Variants in ZNF469 observed in about 807,000 individuals in gnomAD.
The protein encoded by ZNF469 is zinc finger protein 469.
Under a neutral mutation model 1.0 loss-of-function variants are expected in ZNF469, and 1 was observed. The observed-to-expected ratio is 1.00, with a 90% CI of 0.35 to 4.73. The LOEUF (loss-of-function observed/expected upper bound fraction) is 4.73. Ranked by LOEUF, ZNF469 falls within the 30% of genes most tolerant of loss-of-function variation. The pLI is 0.16. For missense variants in ZNF469, 6,100 were observed against 5,356.3 expected (o/e 1.14, Z -4.33); for synonymous variants, 2,703 against 2,363.4 (o/e 1.14, Z -4.17).
the ZNF469 span, among the ~76,000 whole-genome samples, chr16:88,257,411 C>G: frequency 2.0e-5 from 3 of 152,192 alleles, no homozygotes; most frequent in African/African-American, 7.2e-5. Flanking sequence ...GGATAACAAG[C>G]CTCTCTTCTC....
At position 88,434,102 on chromosome 16, in the gene ZNF469, C is replaced by G. The variant is rs1034129997; in HGVS notation, c.6632C>G (p.Ala2211Gly). 1.9e-6 allele frequency: 3 copies of G among 1,550,410 alleles called. No individual in the cohort carries two copies. In the South Asian group the frequency reaches 3.6e-5, roughly 18 times the overall value. ...CCCTGCGATCCCAAGGAAGCCCTGG[C>G]TGGTTGCCTTCTCCAGGGGGAGGGC... ...TSPCDPKEAL[A>G]GCLLQGEGSP... The change falls in exon 3 of 3, where the codon GCT becomes GGT. Residue 2211 changes from alanine to glycine, a missense_variant. Coordinates refer to ENST00000565624, the MANE Select transcript of ZNF469 (RefSeq NM_001367624.2).
the ZNF469 span, among the ~76,000 whole-genome samples, chr16:88,225,671 G>A: frequency 1.8e-3 from 268 of 152,260 alleles, 1 homozygote; most frequent in Middle Eastern, 3.4e-3. Context: ...GTGTGGCCTC[G>A]TGGGTGGGAT....
At chr16:88,120,659 G>A in the ZNF469 span, among the ~76,000 whole-genome samples, 21 of 152,356 alleles carry the variant, frequency 1.4e-4, no homozygotes, top group East Asian at 3.7e-3. Flanking sequence ...CTGGGTCACC[G>A]CGGCTCCCGG....
chr16:88,192,706 G>GTGATGATGGTGGTGATGATGGTGT, the ZNF469 span, among the ~76,000 whole-genome samples: 1 of 150,906 alleles, frequency 6.6e-6, no homozygotes, highest in African/African-American at 2.4e-5. Flanking sequence ...GGTGATAAAG[G>GTGATGATGGTGGTGATGATGGTGT]TGATAATGGT....
chr16:88,430,095 C>A lies in ZNF469; in HGVS notation c.2625C>A (p.Gly875=). 6.5e-7 allele frequency: 1 copy of A among 1,542,434 alleles called. No individual in the cohort carries two copies. Among genetic ancestry groups the A allele is most frequent in the Non-Finnish European group, 8.7e-7 (1 of 1,146,922 alleles). ...IDVFADEEPS[G]PRGPSSGHPL... is the part of the protein sequence containing the mutation. Reference sequence around the variant, plus strand: ...TCTTCGCGGACGAGGAGCCTTCCGGCCCCAGAGGTCCCAGCTCCGGACACC... The same window carrying A: ...TCTTCGCGGACGAGGAGCCTTCCGGACCCAGAGGTCCCAGCTCCGGACACC... Residue 875 remains glycine, a synonymous_variant, in exon 3 of 3, where the codon GGC becomes GGA. Coordinates refer to ENST00000565624, the MANE Select transcript of ZNF469 (RefSeq NM_001367624.2).
At chr16:88,120,188 G>T in the ZNF469 span, among the ~76,000 whole-genome samples, 1 of 152,170 alleles carries the variant, frequency 6.6e-6, no homozygotes, top group Non-Finnish European at 1.5e-5. Context: ...GAACTGCCCC[G>T]TGGTTGCCGA....
At chr16:88,273,804 A>ATTT in the ZNF469 span, among the ~76,000 whole-genome samples, 1,416 of 135,200 alleles carry the variant, frequency 0.01, 26 homozygotes, top group African/African-American at 0.024. Flanking sequence ...ACTGTGGAAT[A>ATTT]TTTTTTTTTT....
the ZNF469 span, among the ~76,000 whole-genome samples, chr16:88,108,639 C>T: frequency 6.6e-6 from 1 of 152,222 alleles, no homozygotes; most frequent in Non-Finnish European, 1.5e-5. Context: ...AGTGTGACTT[C>T]CCTGAAAGCA....
At chr16:88,149,255 G>C in the ZNF469 span, among the ~76,000 whole-genome samples, 3 of 152,196 alleles carry the variant, frequency 2.0e-5, no homozygotes, top group Non-Finnish European at 4.4e-5. Flanking sequence ...ATGTGCACAG[G>C]CCACATGGGA....
the ZNF469 span, among the ~76,000 whole-genome samples, chr16:88,289,267 ATGATGGTGAGGG>A: frequency 2.6e-5 from 3 of 115,778 alleles, no homozygotes; most frequent in Non-Finnish European, 1.7e-5. Context: ...AGTGATGGTG[ATGATGGTGAGGG>A]TGATGGTGAT....
the ZNF469 span, among the ~76,000 whole-genome samples, chr16:88,169,526 G>T: frequency 2.0e-5 from 3 of 152,288 alleles, no homozygotes; most frequent in African/African-American, 4.8e-5. The surrounding 1 kb of genome is among the most constrained non-coding windows in gnomAD (Gnocchi z 6.1). Flanking sequence ...GGCGATCCAG[G>T]TTGCAGCCCA....
At chr16:88,416,990 G>C (rs573656185) in intron 1 of ZNF469, among the ~76,000 whole-genome samples, 25 of 152,354 alleles carry the variant, frequency 1.6e-4, no homozygotes, top group African/African-American at 5.8e-4. Context: ...GTCCCGTGGA[G>C]TCTCCGTGGT....
chr16:88,122,900 T>C, the ZNF469 span, among the ~76,000 whole-genome samples: 1 of 151,922 alleles, frequency 6.6e-6, no homozygotes, highest in Non-Finnish European at 1.5e-5. Flanking sequence ...TGGAGTGCAG[T>C]GGTGCAATCA....
chr16:88,331,815 C>G, the ZNF469 span, among the ~76,000 whole-genome samples: 1 of 152,080 alleles, frequency 6.6e-6, no homozygotes. Context: ...CTCATCACCA[C>G]CATCACTATC....
the ZNF469 span, among the ~76,000 whole-genome samples, chr16:88,220,793 C>A: frequency 6.6e-6 from 1 of 152,190 alleles, no homozygotes. Context: ...GGCCCCTACA[C>A]CCTTGAACAT....
At chr16:88,350,596 G>A in the ZNF469 span, among the ~76,000 whole-genome samples, 1 of 152,242 alleles carries the variant, frequency 6.6e-6, no homozygotes, top group Admixed American at 6.5e-5. Context: ...CCTGTGGTGG[G>A]CGGAATAAGA....
chr16:88,138,870 A>G, the ZNF469 span, among the ~76,000 whole-genome samples: 3 of 152,262 alleles, frequency 2.0e-5, no homozygotes, highest in East Asian at 5.8e-4. Context: ...CCAAAGGAAT[A>G]AGACAAGAAA....
At chr16:88,368,590 T>G in the ZNF469 span, among the ~76,000 whole-genome samples, 1 of 151,148 alleles carries the variant, frequency 6.6e-6, no homozygotes, top group South Asian at 2.1e-4. Context: ...GTTTGTGGTC[T>G]GGAGAAAGAG....
the ZNF469 span, among the ~76,000 whole-genome samples, chr16:88,307,950 A>G: frequency 1.3e-5 from 2 of 152,212 alleles, no homozygotes; most frequent in African/African-American, 4.8e-5. Flanking sequence ...GTTGTCTTCT[A>G]AGAGTGTTAT....
Sources: gnomAD v4.1 joint callset for allele counts (sites outside exome capture counted in the v4.1 genomes callset) on GRCh38, gnomAD v4.1.1 for gene constraint, Gnocchi (gnomAD v3.1) non-coding constraint, MANE v1.5 for transcripts, NCBI Gene and HGNC (gene_info 2026-07-23, HGNC 2026-07-21) for gene names.